CENPF: variants seen among roughly 807,000 people sequenced by gnomAD.
CENPF encodes centromere protein F, also known as AH antigen.
In CENPF, 214 loss-of-function variants were observed where a neutral mutation model predicts 307.3. That is an observed-to-expected ratio of 0.70 (90% CI 0.62 to 0.78). The LOEUF is 0.78. Ranked by LOEUF, CENPF falls within the 30% of genes least tolerant of loss-of-function variation. The probability of loss-of-function intolerance (pLI) is 0.00; values close to 1 mark genes in which losing one functional copy is unlikely to be tolerated. For missense variants in CENPF, 3,401 were observed against 3,483.9 expected (o/e 0.98, Z 0.60); for synonymous variants, 1,259 against 1,270.6 (o/e 0.99, Z 0.19).
At position 214,658,833 on chromosome 1, in the gene CENPF, AT is replaced by A. The variant is rs575514285; in HGVS notation, c.8963-9del. ...ATTGGACCTAGCAGTGCTGACAGTT[AT>A]TTTTTTTGCCCTTAGGGTTTGCTGA... On this transcript the variant is annotated splice_polypyrimidine_tract_variant and intron_variant, in intron 18 of 19. Transcript: ENST00000366955. 3.7e-5 allele frequency: 60 copies of A among 1,605,562 alleles called. No individual in the cohort carries two copies. Among genetic ancestry groups the A allele is most frequent in the Middle Eastern group, 1.7e-4 (1 of 6,052 alleles).
chr1:214,630,789 A>T lies in CENPF; in HGVS notation c.1323+127A>T. 2.5e-6 allele frequency: 3 copies of T among 1,212,614 alleles called. No homozygotes were observed. In the South Asian group the frequency reaches 4.9e-5, roughly 20 times the overall value. 75.1% of individuals were successfully genotyped at this position (1,212,614 alleles called of 1,614,324 possible). On this transcript the variant is annotated intron_variant, in intron 9 of 19. Transcript: ENST00000366955. ...GCGCTCCACCTTCACTTTCCCTATC[A>T]AAGTGGAGAATGTACAGAACCATTC...
At chr1:214,618,153 A>G (rs1454181548) in intron 3 of CENPF, among the ~76,000 whole-genome samples, 1 of 152,198 alleles carries the variant, frequency 6.6e-6, no homozygotes, top group Non-Finnish European at 1.5e-5. Flanking sequence ...TCACGAGAAT[A>G]GCATGGGAAA....
At position 214,645,919 on chromosome 1, in the gene CENPF, C is replaced by T. The variant is rs1658283206; in HGVS notation, c.6349C>T (p.Leu2117=). The T allele has an allele frequency of 1.9e-6, 3 of 1,613,944 alleles. No homozygotes were observed. Among genetic ancestry groups the T allele is most frequent in the Admixed American group, 1.7e-5 (1 of 59,978 alleles). Residue 2117 remains leucine (L), a synonymous_variant, in exon 13 of 20, where the codon CTG becomes TTG. Transcript: ENST00000366955. ...LSSTQEEVHQ[L]RRGIEKLRVR... is the part of the protein sequence containing the mutation. ...CTCAACACAGGAGGAAGTGCATCAGCTGAGAAGAGGCATCGAGAAACTGAG... is the reference window on the plus strand; with the variant it reads ...CTCAACACAGGAGGAAGTGCATCAGTTGAGAAGAGGCATCGAGAAACTGAG...
intron 16 of CENPF, chr1:214,653,422 A>G (rs895800931): frequency 2.5e-5 from 4 of 158,726 alleles, no homozygotes; most frequent in East Asian, 1.8e-4. Flanking sequence ...GGTCAGGCAG[A>G]CGTGTGGATA....
Position 214,646,566 on chromosome 1 carries a change from T to G in CENPF, c.6996T>G (p.Asp2332Glu), listed in dbSNP as rs1241215072. 9.9e-6 allele frequency: 16 copies of G among 1,613,966 alleles called. No homozygotes were observed. The highest frequency in any genetic ancestry group is 1.4e-5 in the Non-Finnish European group (16 of 1,180,024). Residue 2332 changes from aspartate to glutamate, a missense_variant, in exon 13 of 20, where the codon GAT becomes GAG. Physicochemically the swap from Asp to Glu is conservative, Grantham distance 45. Transcript: ENST00000366955. ...QQLKESEHHADLLKGRVENLE... is the reference protein window; with the variant it reads ...QQLKESEHHAELLKGRVENLE... ...TGAAGGAAAGTGAGCATCATGCAGA[T>G]TTACTTAAGGGTAGAGTGGAGAACC...
rs1190122264 is a variant in CENPF at position 214,613,820 on chromosome 1, G to T, written c.66G>T (p.Glu22Asp). 1.2e-6 allele frequency: 2 copies of T among 1,613,842 alleles called. No homozygotes were observed. The highest frequency in any genetic ancestry group is 3.3e-5 in the Admixed American group (2 of 59,970). Residue 22 changes from glutamate to aspartate, a missense_variant, in exon 2 of 20, where the codon GAG becomes GAT. Coordinates refer to ENST00000366955, the MANE Select transcript of CENPF (RefSeq NM_016343.4). ...LPTRALQKIQ[E>D]LEGQLDKLKK... ...CAAGAGCTCTTCAGAAAATTCAAGA[G>T]CTTGAAGGACAGCTTGACAAACTGA...
At chr1:214,605,661 G>A (rs1171511618) in intron 1 of CENPF, 2 of 1,566,152 alleles carry the variant, frequency 1.3e-6, no homozygotes, top group Non-Finnish European at 1.7e-6. Context: ...AGGTCTGGCC[G>A]GTTGGTGCCG....
intron 15 of CENPF, 44 bp from the exon 16 acceptor site, chr1:214,652,784 T>G (rs371133250): frequency 1.3e-6 from 2 of 1,502,022 alleles, no homozygotes; most frequent in Non-Finnish European, 1.8e-6. Flanking sequence ...CTGTGCCTCC[T>G]GGCTAAAGTA....
chr1:214,658,953 A>G lies in CENPF; in HGVS notation c.9066A>G (p.Leu3022=), dbSNP rs1180842488. The G allele has an allele frequency of 3.1e-6, 5 of 1,614,110 alleles. No homozygotes were observed. The highest frequency in any genetic ancestry group is 1.6e-4 in the Middle Eastern group (1 of 6,062). ...GCCTGGCTGCACAGAAGTTAGCGCT[A>G]TCCCCACTGAGTCTCGGCAAAGAAA... ...SPRLAAQKLA[L]SPLSLGKENL... is the part of the protein sequence containing the mutation. Residue 3022 remains leucine (L), a synonymous_variant, in exon 19 of 20, where the codon CTA becomes CTG. Coordinates refer to ENST00000366955, the MANE Select transcript of CENPF (RefSeq NM_016343.4).
At chr1:214,637,342 C>T (rs1297559213) in intron 10 of CENPF, among the ~76,000 whole-genome samples, 7 of 152,206 alleles carry the variant, frequency 4.6e-5, no homozygotes, top group Non-Finnish European at 7.3e-5. Context: ...CACATTCCAG[C>T]ATCTTGAATA....
chr1:214,656,822 TAA>T (rs11307420), intron 17 of CENPF, 109 bp from the exon 18 acceptor site: 423 of 672,742 alleles, frequency 6.3e-4, no homozygotes, highest in Middle Eastern at 2.2e-3. Context: ...CCCAACCTCT[TAA>T]AAAAAAAAAT....
intron 16 of CENPF, chr1:214,654,453 C>G (rs1658577157): frequency 6.6e-6 from 1 of 152,188 alleles, no homozygotes; most frequent in Non-Finnish European, 1.5e-5. Flanking sequence ...TACCTATAGT[C>G]CCAGCTATGC....
At chr1:214,648,050 G>T in intron 13 of CENPF, 1 of 437,586 alleles carries the variant, frequency 2.3e-6, no homozygotes, top group South Asian at 1.6e-5. Context: ...CTTACTTAGT[G>T]ATCTAGGAAA....
At chr1:214,604,071 A>T (rs1415954760) in intron 1 of CENPF, among the ~76,000 whole-genome samples, 2 of 152,118 alleles carry the variant, frequency 1.3e-5, no homozygotes, top group Admixed American at 1.3e-4. Context: ...CTAGAGGAGA[A>T]GGCAGGGTTA....
At chr1:214,661,380 A>G (rs1259976560) in intron 19 of CENPF, among the ~76,000 whole-genome samples, 1 of 152,214 alleles carries the variant, frequency 6.6e-6, no homozygotes, top group Non-Finnish European at 1.5e-5. Context: ...TCATCTGTTA[A>G]GCGTATTACA....
In CENPF at chr1:214,646,450, G is replaced by C. The variant is rs1308890959; in HGVS notation, c.6880G>C (p.Glu2294Gln). 6.8e-6 allele frequency: 11 copies of C among 1,614,102 alleles called. No homozygotes were observed. Among genetic ancestry groups the C allele is most frequent in the South Asian group, 1.1e-5 (1 of 91,070 alleles). Reference protein sequence around the residue: ...ATEQSLDPPIEEEHQLRNSIE... With the variant: ...ATEQSLDPPIQEEHQLRNSIE... Reference sequence around the variant, plus strand: ...AGAACAGAGTCTAGACCCACCAATAGAGGAAGAGCATCAGCTGAGAAATAG... The same window carrying C: ...AGAACAGAGTCTAGACCCACCAATACAGGAAGAGCATCAGCTGAGAAATAG... Residue 2294 changes from glutamate (E) to glutamine (Q), a missense_variant, in exon 13 of 20, where the codon GAG becomes CAG. Physicochemically the swap from Glu to Gln is conservative, Grantham distance 29 (BLOSUM62 2). Coordinates refer to ENST00000366955, the MANE Select transcript of CENPF (RefSeq NM_016343.4).
Position 214,644,795 on chromosome 1 carries a change from C to T in CENPF, c.5225C>T (p.Ser1742Phe). Reference sequence around the variant, plus strand: ...CCAGGGGAAGATAAAACCCAGGGCTCTTCAGAATGCATTTCTGAATTGTCA... The same window carrying T: ...CCAGGGGAAGATAAAACCCAGGGCTTTTCAGAATGCATTTCTGAATTGTCA... ...EPPGEDKTQG[S>F]SECISELSFS... The change falls in exon 13 of 20, where the codon TCT becomes TTT. Residue 1742 changes from serine (S) to phenylalanine (F), a missense_variant. Coordinates refer to ENST00000366955, the MANE Select transcript of CENPF (RefSeq NM_016343.4). 2 of 1,613,960 alleles carry T rather than the reference C, an allele frequency of 1.2e-6. No individual in the cohort carries two copies. The highest frequency in any genetic ancestry group is 1.7e-6 in the Non-Finnish European group (2 of 1,179,950).
At position 214,663,740 on chromosome 1, in the gene CENPF, C is replaced by T; in HGVS notation, c.9291C>T (p.Pro3097=). 1.2e-6 allele frequency: 2 copies of T among 1,614,092 alleles called. No homozygotes were observed. Among genetic ancestry groups the T allele is most frequent in the Non-Finnish European group, 1.7e-6 (2 of 1,180,032 alleles). The change falls in exon 20 of 20, where the codon CCC becomes CCT. Residue 3097 remains proline (P), a synonymous_variant. Transcript: ENST00000366955. ...GLRVKRGRLV[P]SPKAGLESNG... is the part of the protein sequence containing the mutation. ...GGGTCAAGCGAGGCCGACTTGTCCC[C>T]AGCCCCAAAGCTGGACTGGAGTCCA...
chr1:214,643,320 A>C lies in CENPF; in HGVS notation c.4982A>C (p.Glu1661Ala). 1 of 1,492,408 alleles carries C rather than the reference A, an allele frequency of 6.7e-7. No individual in the cohort carries two copies. Among genetic ancestry groups the C allele is most frequent in the South Asian group, 1.4e-5 (1 of 69,226 alleles). 92.4% of individuals were successfully genotyped at this position (1,492,408 alleles called of 1,614,324 possible). ...CGGTCTTTGCTTGGCATCGACACAG[A>C]AGATGTAAGTACCTGGGATTTAAAT... is the stretch of plus-strand genomic sequence containing the variant. ...SSRSLLGIDT[E>A]DAIQGRNESC... The change falls in exon 12 of 20, where the codon GAA (glutamate) becomes GCA (alanine). Residue 1661 changes from glutamate (E) to alanine (A), a missense_variant. Transcript: ENST00000366955.
Sources: allele counts gnomAD v4.1 joint callset (sites outside exome capture counted in the v4.1 genomes callset), GRCh38; gene constraint gnomAD v4.1.1; transcripts MANE v1.5; gene names NCBI Gene and HGNC (gene_info 2026-07-23, HGNC 2026-07-21).